Variants in FBN3 observed in about 807,000 individuals in gnomAD.
FBN3 encodes the protein fibrillin-3.
Under a neutral mutation model 330.1 loss-of-function variants are expected in FBN3, and 234 were observed. That is an observed-to-expected ratio of 0.71 (90% CI 0.64 to 0.79). The LOEUF (loss-of-function observed/expected upper bound fraction) is 0.79. Ranked by LOEUF, FBN3 falls within the 30% of genes least tolerant of loss-of-function variation. The pLI is 0.00. For synonymous variants in FBN3, 1,458 were observed against 1,517.3 expected, an observed-to-expected ratio of 0.96 and a Z score of 0.91; for missense variants, 3,606 against 3,886.9, an observed-to-expected ratio of 0.93 and a Z score of 1.92.
chr19:8,128,503 C>T (rs2083047895), intron 18 of FBN3, among the ~76,000 whole-genome samples: 1 of 150,236 alleles, frequency 6.7e-6, no homozygotes, highest in African/African-American at 2.5e-5. Context: ...GCAGAGGTTG[C>T]AGTGAGCTGA....
chr19:8,137,383 C>A lies in FBN3; in HGVS notation c.1201+758G>T, dbSNP rs528066506. ...CAACCTGGAGCCTAGATCCCTCCAACCTGGAGCCTAGATCCCTCCAACCTG... is the reference window on the plus strand; with the variant it reads ...CAACCTGGAGCCTAGATCCCTCCAAACTGGAGCCTAGATCCCTCCAACCTG... On this transcript the variant is annotated intron_variant, in intron 10 of 63. Transcript: ENST00000600128. 2.2e-3 allele frequency among the ~76,000 whole-genome samples: 333 copies of A among 152,102 alleles called. 3 individuals carry two copies. Among genetic ancestry groups the A allele is most frequent in the African/African-American group, 7.6e-3 (317 of 41,486 alleles).
At chr19:8,076,767 A>G (rs997247342) in intron 59 of FBN3, among the ~76,000 whole-genome samples, 2 of 151,958 alleles carry the variant, frequency 1.3e-5, no homozygotes, top group African/African-American at 4.8e-5. Context: ...CCAACTGTTA[A>G]TTTTGGTTTT....
At position 8,136,415 on chromosome 19, in the gene FBN3, T is replaced by C; in HGVS notation, c.1318A>G (p.Thr440Ala). 6.2e-7 allele frequency: 1 copy of C among 1,614,102 alleles called. No homozygotes were observed. Among genetic ancestry groups the C allele is most frequent in the Non-Finnish European group, 8.5e-7 (1 of 1,179,996 alleles). The stretch of plus-strand genomic sequence containing the variant: ...ATGCACTCGCCGCGCACGTCCTGGG[T>C]GTAGCCCACGTTACACTCGCAGCGG... The part of the protein sequence containing the change: ...SYRCECNVGY[T>A]QDVRGECIDV... The change falls in exon 11 of 64, where the codon ACC becomes GCC. Residue 440 changes from threonine to alanine, a missense_variant. Transcript: ENST00000600128.
At chr19:8,073,993 C>T (rs146177619) in intron 61 of FBN3, among the ~76,000 whole-genome samples, 65 of 152,226 alleles carry the variant, frequency 4.3e-4, no homozygotes, top group South Asian at 1.5e-3. Context: ...AAAAATGTCT[C>T]GCAGACACTT....
chr19:8,117,079 T>C, intron 28 of FBN3, 90 bp downstream of exon 28: 1 of 1,549,648 alleles, frequency 6.5e-7, no homozygotes. Context: ...TTCACTATGC[T>C]GTGCTGGGCT....
Position 8,131,526 on chromosome 19 carries a change from G to A in FBN3, c.1990+28C>T, listed in dbSNP as rs763933105. 2.7e-5 allele frequency: 43 copies of A among 1,581,866 alleles called. No individual in the cohort carries two copies. In the South Asian group the frequency reaches 3.3e-4, roughly 12 times the overall value. On this transcript the variant is annotated intron_variant, in intron 15 of 63. Transcript: ENST00000600128. The surrounding 1 kb of genome is among the most constrained non-coding windows in gnomAD (Gnocchi z 4.5). ...ATGGAGGCATTCAGACCAAGGAGGCGATGGGGACCGGGCAGCCGGATGCTC... is the reference window on the plus strand; with the variant it reads ...ATGGAGGCATTCAGACCAAGGAGGCAATGGGGACCGGGCAGCCGGATGCTC...
Position 8,131,321 on chromosome 19 carries a change from G to A in FBN3, c.1991-33C>T, listed in dbSNP as rs570628168. 78 of 1,607,948 alleles carry A rather than the reference G, an allele frequency of 4.9e-5. 1 individual carries two copies. In the South Asian group the frequency reaches 8.5e-4, roughly 17 times the overall value. On this transcript the variant is annotated intron_variant, in intron 15 of 63. Transcript: ENST00000600128. This position sits in a 1 kb window ranked among gnomAD's most constrained non-coding sequence, Gnocchi z 4.5. ...TGGAGGGACAGAGTGAGACGGGTCAGGGAGCTTAGCCATGGCTCGGATTCA... is the reference window on the plus strand; with the variant it reads ...TGGAGGGACAGAGTGAGACGGGTCAAGGAGCTTAGCCATGGCTCGGATTCA...
At chr19:8,135,506 G>GCCCTCAGGTGATCCACCC (rs2083257385) in intron 13 of FBN3, among the ~76,000 whole-genome samples, 1 of 150,396 alleles carries the variant, frequency 6.6e-6, no homozygotes, top group African/African-American at 2.4e-5. Context: ...TCGAACTCCT[G>GCCCTCAGGTGATCCACCC]ACCTCGGCCT....
chr19:8,097,375 T>C lies in FBN3; in HGVS notation c.5201A>G (p.Asn1734Ser). 2.5e-6 allele frequency: 4 copies of C among 1,605,714 alleles called. No individual in the cohort carries two copies. Among genetic ancestry groups the C allele is most frequent in the South Asian group, 2.2e-5 (2 of 90,620 alleles). ...ECGEIPAICA[N>S]GICINQIGSF... ...CCCGATCTGGTTTATGCAGATGCCA[T>C]TGGCACAGATGGCGGGGATCTCCCC... Residue 1734 changes from asparagine to serine, a missense_variant, in exon 42 of 64, where the codon AAT (asparagine) becomes AGT (serine). Physicochemically the swap from Asn to Ser is conservative, Grantham distance 46 (BLOSUM62 1). Coordinates refer to ENST00000600128, the MANE Select transcript of FBN3 (RefSeq NM_032447.5).
chr19:8,091,632 A>C (rs1376766150), intron 47 of FBN3, 42 bp from the exon 48 acceptor site: 1 of 1,607,494 alleles, frequency 6.2e-7, no homozygotes, highest in Admixed American at 1.7e-5. Flanking sequence ...GGCAAGTAGG[A>C]CCTCCATCAG....
rs1183852345 is a variant in FBN3 at position 8,147,399 on chromosome 19, C to G, written c.82G>C (p.Gly28Arg). ...GCCCCGTCCCAGCGGCCTTGGCCACCTGCCATGCACAACAGGGCCGACCAG... is the reference window on the plus strand; with the variant it reads ...GCCCCGTCCCAGCGGCCTTGGCCACGTGCCATGCACAACAGGGCCGACCAG... The part of the protein sequence containing the change: ...LAWSALLCMA[G>R]GQGRWDGALE... Residue 28 changes from glycine to arginine, a missense_variant, in exon 2 of 64, where the codon GGT becomes CGT. Transcript: ENST00000600128. The G allele has an allele frequency of 1.3e-6, 2 of 1,597,478 alleles. No individual in the cohort carries two copies. Among genetic ancestry groups the G allele is most frequent in the Middle Eastern group, 1.7e-4 (1 of 6,024 alleles).
rs2082011938 is a variant in FBN3 at position 8,088,196 on chromosome 19, G to A, written c.6377-17C>T. 6.3e-7 allele frequency: 1 copy of A among 1,575,764 alleles called. No individual in the cohort carries two copies. Among genetic ancestry groups the A allele is most frequent in the Non-Finnish European group, 8.6e-7 (1 of 1,158,514 alleles). On this transcript the variant is annotated splice_polypyrimidine_tract_variant and intron_variant, in intron 51 of 63. Transcript: ENST00000600128. ...CGTCTGTGTCTGGGTGGGAGTAAGG[G>A]GGTGGTCAGCACCTGCAGAGGGTCC...
At chr19:8,085,876 C>T (rs2081932389) in intron 55 of FBN3, among the ~76,000 whole-genome samples, 1 of 151,904 alleles carries the variant, frequency 6.6e-6, no homozygotes, top group Admixed American at 6.6e-5. Context: ...AGCAGGGGAG[C>T]ACTGGACATG....
chr19:8,116,143 A>G (rs752829909), intron 29 of FBN3, among the ~76,000 whole-genome samples: 14 of 152,154 alleles, frequency 9.2e-5, no homozygotes, highest in Non-Finnish European at 1.8e-4. Flanking sequence ...GCCGGGAGTT[A>G]CATTGTTACT....
intron 22 of FBN3, 91 bp from the exon 23 acceptor site, chr19:8,124,099 T>C: frequency 8.8e-7 from 1 of 1,140,862 alleles, no homozygotes; most frequent in Non-Finnish European, 1.3e-6. Context: ...CATCGGAAAC[T>C]TTCTCCCGGA....
chr19:8,085,263 G>A, intron 56 of FBN3, 100 bp downstream of exon 56: 1 of 702,234 alleles, frequency 1.4e-6, no homozygotes. Flanking sequence ...ACACAGTGTG[G>A]CTCACACATT....
chr19:8,117,375 AG>A, intron 27 of FBN3, 84 bp from the exon 28 acceptor site: 1 of 1,542,106 alleles, frequency 6.5e-7, no homozygotes, highest in Non-Finnish European at 8.7e-7. Context: ...GTGGGAGCAG[AG>A]TGGAGTTGAG....
intron 30 of FBN3, among the ~76,000 whole-genome samples, chr19:8,112,463 G>A (rs2082611394): frequency 6.8e-6 from 1 of 146,656 alleles, no homozygotes; most frequent in Non-Finnish European, 1.5e-5. Context: ...TGGCTAATGC[G>A]GTGAAACCCT....
rs371194890 is a variant in FBN3 at position 8,084,256 on chromosome 19, C to T, written c.7088-884G>A. The stretch of plus-strand genomic sequence containing the variant: ...TCACCCAAGTCCACAACACACAGGC[C>T]GCTGGCTCCCTCTCACTGCCTTCTA... On this transcript the variant is annotated intron_variant, in intron 56 of 63. Coordinates refer to ENST00000600128, the MANE Select transcript of FBN3 (RefSeq NM_032447.5). Among the ~76,000 whole-genome samples, 381 of 152,296 alleles carry T rather than the reference C, an allele frequency of 2.5e-3. 1 individual carries two copies. Among genetic ancestry groups the T allele is most frequent in the Non-Finnish European group, 3.5e-3 (241 of 68,014 alleles).
Sources: gnomAD v4.1 joint callset for allele counts (sites outside exome capture counted in the v4.1 genomes callset) on GRCh38, gnomAD v4.1.1 for gene constraint, Gnocchi (gnomAD v3.1) non-coding constraint, MANE v1.5 for transcripts, NCBI Gene and HGNC (gene_info 2026-07-23, HGNC 2026-07-21) for gene names.